SCTR: variants seen among roughly 807,000 people sequenced by gnomAD.
SCTR encodes the protein secretin receptor, also known as pancreatic secretin receptor.
SCTR carries 56 observed loss-of-function variants against 60.8 expected under a neutral mutation model. That is an observed-to-expected ratio of 0.92 (90% confidence interval 0.74 to 1.15). The LOEUF is 1.15. SCTR is among the 50% of genes most tolerant of loss of function. The pLI is 0.00. For synonymous variants in SCTR, 202 were observed against 217.0 expected, an observed-to-expected ratio of 0.93 and a Z score of 0.61; for missense variants, 562 against 550.4, an observed-to-expected ratio of 1.02 and a Z score of -0.21.
At position 119,452,065 on chromosome 2, in the gene SCTR, T is replaced by C. The variant is rs930576801; in HGVS notation, c.866A>G (p.Asn289Ser). 8.7e-6 allele frequency: 14 copies of C among 1,606,976 alleles called. No homozygotes were observed. The East Asian group carries it at 1.1e-4, about 13-fold the overall frequency. Residue 289 changes from asparagine to serine, a missense_variant, in exon 9 of 13, where the codon AAT (asparagine) becomes AGT (serine). Coordinates refer to ENST00000019103, the MANE Select transcript of SCTR (RefSeq NM_002980.3). ...FLEDVGCWDINANASIWWIIR... is the reference protein window; with the variant it reads ...FLEDVGCWDISANASIWWIIR... ...GATCCACCAGATGGATGCGTTGGCA[T>C]TGATGTCCCAGCACCTAAGGGAGGG...
intron 2 of SCTR, chr2:119,486,661 C>T (rs1301045206): frequency 6.6e-6 from 1 of 152,188 alleles, no homozygotes; most frequent in East Asian, 1.9e-4. Context: ...AAGCTGAGTC[C>T]TGTTTCGGCT....
Position 119,524,413 on chromosome 2 carries a change from C to A in SCTR, c.-187G>T, listed in dbSNP as rs1222937415. The A allele has an allele frequency of 2.3e-5, 9 of 384,930 alleles. No individual in the cohort carries two copies. Among genetic ancestry groups the A allele is most frequent in the Non-Finnish European group, 3.7e-5 (8 of 219,142 alleles). The allele number at this position is 384,930 out of a possible 1,614,324, so 23.8% of individuals were successfully genotyped here. On this transcript the variant is annotated 5_prime_UTR_variant, in exon 1 of 13. Coordinates refer to ENST00000019103, the MANE Select transcript of SCTR (RefSeq NM_002980.3). ...CTCCTCCTCGGACCAGGTGGCCGCG[C>A]GCGCTAAGCCGCCCGCCCCATTGAT...
chr2:119,461,830 C>G lies in SCTR; in HGVS notation c.790+17G>C, dbSNP rs1683616903. 4 of 1,604,150 alleles carry G rather than the reference C, an allele frequency of 2.5e-6. No homozygotes were observed. In the South Asian group the frequency reaches 4.5e-5, roughly 18 times the overall value. On this transcript the variant is annotated intron_variant, in intron 7 of 12. Transcript: ENST00000019103. Reference sequence around the variant, plus strand: ...TCCCACATACCATGCAGATATCAGACCCAGGGAGAAACATACCCCATCCGA... The same window carrying G: ...TCCCACATACCATGCAGATATCAGAGCCAGGGAGAAACATACCCCATCCGA...
In SCTR at chr2:119,524,412, G is replaced by C. The variant is rs1262286557; in HGVS notation, c.-186C>G. ...GCTCCTCCTCGGACCAGGTGGCCGC[G>C]CGCGCTAAGCCGCCCGCCCCATTGA... On this transcript the variant is annotated 5_prime_UTR_variant, in exon 1 of 13. Transcript: ENST00000019103. The C allele has an allele frequency of 2.6e-6, 1 of 387,922 alleles. No homozygotes were observed. The highest frequency in any genetic ancestry group is 4.5e-6 in the Non-Finnish European group (1 of 221,398). The allele number at this position is 387,922 out of a possible 1,614,324, so 24.0% of individuals were successfully genotyped here. A position where few individuals can be genotyped will look rare whatever the true frequency, so the allele number is the denominator to read the frequency against.
chr2:119,443,093 C>G (rs1235996889), intron 11 of SCTR, among the ~76,000 whole-genome samples: 1 of 152,164 alleles, frequency 6.6e-6, no homozygotes, highest in South Asian at 2.1e-4. Context: ...CTGCCCGTTG[C>G]ATGGGCTAGG....
intron 1 of SCTR, among the ~76,000 whole-genome samples, chr2:119,515,518 G>A (rs946492068): frequency 1.2e-4 from 18 of 152,124 alleles, no homozygotes; most frequent in Admixed American, 4.6e-4. Context: ...CCATCCAATC[G>A]GCTGGGCACT....
chr2:119,518,627 T>G (rs992671455), intron 1 of SCTR, among the ~76,000 whole-genome samples: 14 of 152,196 alleles, frequency 9.2e-5, no homozygotes, highest in Admixed American at 2.0e-4. Context: ...GTTTGTAATG[T>G]AAGCAAGTAG....
chr2:119,499,891 A>T (rs1678476718), intron 1 of SCTR, among the ~76,000 whole-genome samples: 1 of 152,152 alleles, frequency 6.6e-6, no homozygotes, highest in African/African-American at 2.4e-5. Context: ...TATGCAACAC[A>T]ATATTGGAAG....
intron 1 of SCTR, among the ~76,000 whole-genome samples, chr2:119,507,675 T>C (rs1371994687): frequency 7.7e-5 from 10 of 130,370 alleles, no homozygotes; most frequent in African/African-American, 2.2e-4. Flanking sequence ...TTTTTTTTTT[T>C]TTTTCTTTTT....
At chr2:119,480,908 A>C (rs1677571219) in intron 2 of SCTR, 1 of 152,474 alleles carries the variant, frequency 6.6e-6, no homozygotes, top group Admixed American at 6.5e-5. Context: ...GCCAGGACTC[A>C]AGTCGGCCGA....
In SCTR at chr2:119,444,440, T is replaced by TACCC. The variant is rs1682814593; in HGVS notation, c.1140+2318_1140+2319insGGGT. Reference sequence around the variant, plus strand: ...ACCCATATACGTATGAATATACACATATATATACGTACGTATATATATACA... The same window carrying TACCC: ...ACCCATATACGTATGAATATACACATACCCATATATACGTACGTATATATATACA... On this transcript the variant is annotated intron_variant, in intron 11 of 12. Transcript: ENST00000019103. Among the ~76,000 whole-genome samples the TACCC allele has an allele frequency of 7.1e-5, 2 of 28,290 alleles. 1 individual carries two copies. Among genetic ancestry groups the TACCC allele is most frequent in the Non-Finnish European group, 1.3e-4 (2 of 14,844 alleles). 18.6% of individuals were successfully genotyped at this position (28,290 alleles called of 152,430 possible).
intron 1 of SCTR, among the ~76,000 whole-genome samples, chr2:119,509,165 TG>T (rs1261284131): frequency 2.6e-5 from 4 of 152,208 alleles, no homozygotes; most frequent in Non-Finnish European, 5.9e-5. Flanking sequence ...TTTCAGAACC[TG>T]GGGTAGCTTG....
At chr2:119,509,986 CT>C (rs369904458) in intron 1 of SCTR, among the ~76,000 whole-genome samples, 3,484 of 147,288 alleles carry the variant, frequency 0.024, 109 homozygotes, top group African/African-American at 0.071. Flanking sequence ...TCAGAATTTC[CT>C]TTTTTTTTTT....
At chr2:119,513,551 G>A (rs566686543) in intron 1 of SCTR, among the ~76,000 whole-genome samples, 5 of 152,254 alleles carry the variant, frequency 3.3e-5, no homozygotes, top group Admixed American at 2.0e-4. Flanking sequence ...CTGAGTCTAA[G>A]TCATCATTAC....
intron 9 of SCTR, 81 bp downstream of exon 9, chr2:119,451,929 T>G (rs1683185430): frequency 2.3e-6 from 2 of 877,870 alleles, no homozygotes; most frequent in Non-Finnish European, 3.8e-6. Context: ...AGCCCTGTCC[T>G]TCCACCCTCT....
At chr2:119,458,762 A>G (rs1683481623) in intron 7 of SCTR, among the ~76,000 whole-genome samples, 1 of 152,182 alleles carries the variant, frequency 6.6e-6, no homozygotes, top group South Asian at 2.1e-4. Flanking sequence ...TGGCCCCTGG[A>G]CCAGCAGCAT....
chr2:119,488,490 C>T (rs552930030), intron 2 of SCTR, among the ~76,000 whole-genome samples: 2 of 152,334 alleles, frequency 1.3e-5, no homozygotes, highest in South Asian at 2.1e-4. Context: ...TGGCGGAAAG[C>T]GCTGGTTCAC....
rs575780122 is a variant in SCTR at position 119,481,521 on chromosome 2, T to G, written c.194-2603A>C. ...CAGGGCTTGCTTTGAGAATTTCCACTCTGAGTCTCCCTGCTCCTCACAGCT... is the reference window on the plus strand; with the variant it reads ...CAGGGCTTGCTTTGAGAATTTCCACGCTGAGTCTCCCTGCTCCTCACAGCT... On this transcript the variant is annotated intron_variant, in intron 2 of 12. Coordinates refer to ENST00000019103, the MANE Select transcript of SCTR (RefSeq NM_002980.3). Among the ~76,000 whole-genome samples the G allele has an allele frequency of 1.4e-4, 21 of 152,308 alleles. No individual in the cohort carries two copies. In the South Asian group the frequency reaches 3.9e-3, roughly 29 times the overall value.
chr2:119,510,292 G>C (rs1004173245), intron 1 of SCTR, among the ~76,000 whole-genome samples: 4 of 152,114 alleles, frequency 2.6e-5, no homozygotes, highest in Non-Finnish European at 5.9e-5. Flanking sequence ...AAGATAATGT[G>C]GGGGGAGGGG....
Sources: gnomAD v4.1 joint callset for allele counts (sites outside exome capture counted in the v4.1 genomes callset) on GRCh38, gnomAD v4.1.1 for gene constraint, MANE v1.5 for transcripts, NCBI Gene and HGNC (gene_info 2026-07-23, HGNC 2026-07-21) for gene names.